Variants in ARID5B observed in about 807,000 individuals in gnomAD.
ARID5B encodes AT-rich interactive domain-containing protein 5B.
ARID5B carries 13 observed loss-of-function variants against 97.2 expected under a neutral mutation model. The ratio of observed to expected loss-of-function variants is 0.13; its 90% CI spans 0.09 to 0.21. The LOEUF (loss-of-function observed/expected upper bound fraction) is 0.21. Among genes scored for constraint, ARID5B ranks in the 10% least tolerant of loss-of-function variants. The pLI is 1.00. For missense variants in ARID5B, 1,210 were observed against 1,465.3 expected, an observed-to-expected ratio of 0.83 and a Z score of 2.84; for synonymous variants, 556 against 570.3, an observed-to-expected ratio of 0.97 and a Z score of 0.36.
At chr10:62,020,586 A>G (rs1392774876) in intron 4 of ARID5B, among the ~76,000 whole-genome samples, 2 of 152,194 alleles carry the variant, frequency 1.3e-5, no homozygotes, top group African/African-American at 2.4e-5. Context: ...GAATTCAAGG[A>G]GGAAATTGTG....
chr10:62,057,084 C>G (rs376545388), intron 5 of ARID5B, 33 bp from the exon 6 acceptor site: 4 of 1,607,144 alleles, frequency 2.5e-6, no homozygotes, highest in Non-Finnish European at 3.4e-6. Flanking sequence ...GGGGCTGTGC[C>G]TCGTCTGATG....
At chr10:62,034,404 A>G (rs1209936765) in intron 4 of ARID5B, among the ~76,000 whole-genome samples, 1 of 152,206 alleles carries the variant, frequency 6.6e-6, no homozygotes, top group South Asian at 2.1e-4. Context: ...TTATGGTGCC[A>G]GGCCTGACAT....
chr10:61,949,135 C>T (rs1297910823), intron 3 of ARID5B, among the ~76,000 whole-genome samples: 5 of 152,150 alleles, frequency 3.3e-5, no homozygotes, highest in Non-Finnish European at 7.4e-5. Flanking sequence ...GCCTCAGTAA[C>T]GGTCTACAGT....
At chr10:62,027,030 T>C (rs1004237710) in intron 4 of ARID5B, among the ~76,000 whole-genome samples, 1 of 152,200 alleles carries the variant, frequency 6.6e-6, no homozygotes, top group African/African-American at 2.4e-5. Flanking sequence ...ACAAGTTGTA[T>C]CACAGTGACA....
rs10689655 is a variant in ARID5B, at chr10:62,000,831, T to TGATAGATAGATAGATA, written c.733+538_733+553dup. Among the ~76,000 whole-genome samples, 57 of 148,622 alleles carry TGATAGATAGATAGATA rather than the reference T, an allele frequency of 3.8e-4. No individual in the cohort carries two copies. The highest frequency in any genetic ancestry group is 1.0e-3 in the East Asian group (5 of 4,976). On this transcript the variant is annotated intron_variant, in intron 4 of 9. Coordinates refer to ENST00000279873, the MANE Select transcript of ARID5B (RefSeq NM_032199.3). This position sits in a 1 kb window ranked among gnomAD's most constrained non-coding sequence, Gnocchi z 4.4. ...TACAGTAGATAGACACGTAGAGAGATGATAGATAGATAGATAGATAGATAG... is the reference window on the plus strand; with the variant it reads ...TACAGTAGATAGACACGTAGAGAGATGATAGATAGATAGATAGATAGATAGATAGATAGATAGATAG...
chr10:61,967,024 CT>C (rs34046088), intron 3 of ARID5B, among the ~76,000 whole-genome samples: 9 of 152,106 alleles, frequency 5.9e-5, no homozygotes, highest in East Asian at 3.9e-4. Context: ...AAAACCGGGC[CT>C]TTTTTTCCCC....
intron 7 of ARID5B, among the ~76,000 whole-genome samples, chr10:62,060,589 C>T (rs570853880): frequency 2.0e-5 from 3 of 152,158 alleles, no homozygotes; most frequent in South Asian, 4.2e-4. Context: ...GAACTCCTTG[C>T]CACTGTAGCT....
At chr10:61,953,616 G>A (rs1422743916) in intron 3 of ARID5B, among the ~76,000 whole-genome samples, 1 of 152,174 alleles carries the variant, frequency 6.6e-6, no homozygotes, top group Non-Finnish European at 1.5e-5. Flanking sequence ...AGCGGAAAGA[G>A]CATGAACTTT....
At chr10:62,019,197 G>A (rs557524921) in intron 4 of ARID5B, among the ~76,000 whole-genome samples, 119 of 152,302 alleles carry the variant, frequency 7.8e-4, no homozygotes, top group Non-Finnish European at 1.4e-3. Flanking sequence ...AGTGGTTTAT[G>A]TTAGAATATG....
chr10:61,991,942 G>A (rs1838930942), intron 3 of ARID5B, among the ~76,000 whole-genome samples: 1 of 152,038 alleles, frequency 6.6e-6, no homozygotes, highest in African/African-American at 2.4e-5. Context: ...TGAGGTAGGA[G>A]AATCGCTTGA....
At chr10:62,077,000 C>T (rs1383435429) in intron 8 of ARID5B, among the ~76,000 whole-genome samples, 2 of 152,174 alleles carry the variant, frequency 1.3e-5, no homozygotes, top group African/African-American at 4.8e-5. Context: ...CTATCAACAA[C>T]CAGAAGCCCA....
At chr10:62,049,374 G>A (rs1349236722) in intron 4 of ARID5B, 11 of 1,547,420 alleles carry the variant, frequency 7.1e-6, no homozygotes, top group Non-Finnish European at 9.6e-6. Flanking sequence ...GAGGGAAGCT[G>A]ACATCCACAC....
At chr10:61,984,854 C>A (rs1389797513) in intron 3 of ARID5B, among the ~76,000 whole-genome samples, 1 of 152,134 alleles carries the variant, frequency 6.6e-6, no homozygotes, top group Non-Finnish European at 1.5e-5. Context: ...CTCCTTCTGA[C>A]CTTTTGAGGC....
At chr10:61,908,689 A>G (rs988695823) in intron 2 of ARID5B, among the ~76,000 whole-genome samples, 9 of 149,300 alleles carry the variant, frequency 6.0e-5, no homozygotes, top group African/African-American at 1.2e-4. Context: ...AGTCCCAGCT[A>G]CTTGGGAGGC....
In ARID5B at chr10:61,940,525, C is replaced by A. The variant is rs1023854340; in HGVS notation, c.502+117C>A. 35 of 889,442 alleles carry A rather than the reference C, an allele frequency of 3.9e-5. No homozygotes were observed. In the African/African-American group the frequency reaches 4.4e-4, roughly 11 times the overall value. The allele number at this position is 889,442 out of a possible 1,614,324, so 55.1% of individuals were successfully genotyped here. A position where few individuals can be genotyped will look rare whatever the true frequency, so the allele number is the denominator to read the frequency against. Reference sequence around the variant, plus strand: ...ATAAATGTATTTCAAATTTCTTTAACCTCAAAGGGTCCTAAGAATATGGAT... The same window carrying A: ...ATAAATGTATTTCAAATTTCTTTAAACTCAAAGGGTCCTAAGAATATGGAT... On this transcript the variant is annotated intron_variant, in intron 3 of 9. Coordinates refer to ENST00000279873, the MANE Select transcript of ARID5B (RefSeq NM_032199.3).
intron 2 of ARID5B, among the ~76,000 whole-genome samples, chr10:61,906,467 T>TGG (rs1447394265): frequency 2.6e-5 from 4 of 152,270 alleles, no homozygotes; most frequent in Admixed American, 1.3e-4. Context: ...CTTAATCTAT[T>TGG]GGCAGTATAC....
At chr10:61,937,664 G>A (rs1844329073) in intron 2 of ARID5B, among the ~76,000 whole-genome samples, 1 of 152,186 alleles carries the variant, frequency 6.6e-6, no homozygotes, top group South Asian at 2.1e-4. Context: ...TTCTCAGTTT[G>A]CAGAGAGCTA....
intron 5 of ARID5B, among the ~76,000 whole-genome samples, chr10:62,051,592 G>A (rs954883138): frequency 5.5e-4 from 83 of 152,222 alleles, no homozygotes; most frequent in African/African-American, 1.9e-3. Context: ...TAAATTCTAC[G>A]CTGTTGTTCA....
At chr10:62,032,771 C>T (rs1400026362) in intron 4 of ARID5B, among the ~76,000 whole-genome samples, 1 of 152,094 alleles carries the variant, frequency 6.6e-6, no homozygotes, top group African/African-American at 2.4e-5. Flanking sequence ...ATGTTAGAAA[C>T]AAAACCAGGA....
Sources: gnomAD v4.1 joint callset for allele counts (sites outside exome capture counted in the v4.1 genomes callset) on GRCh38, gnomAD v4.1.1 for gene constraint, Gnocchi (gnomAD v3.1) non-coding constraint, MANE v1.5 for transcripts, NCBI Gene and HGNC (gene_info 2026-07-23, HGNC 2026-07-21) for gene names.